The following SRM variants were observed in gnomAD, a reference collection of about 807,000 sequenced individuals.
SRM encodes the protein putrescine aminopropyltransferase.
SRM carries 14 observed loss-of-function variants against 39.3 expected under a neutral mutation model. The observed-to-expected ratio is 0.36, with a 90% CI of 0.24 to 0.56. The LOEUF is 0.56. SRM is among the 20% of genes least tolerant of loss of function. The pLI, the probability that SRM is intolerant of heterozygous loss-of-function variation, is 0.86. For missense variants in SRM, 244 were observed against 409.2 expected (o/e 0.60, Z 3.48); for synonymous variants, 195 against 173.1 (o/e 1.13, Z -0.99).
At chr1:11,057,438 C>T (rs539632115) in intron 3 of SRM, among the ~76,000 whole-genome samples, 37 of 150,306 alleles carry the variant, frequency 2.5e-4, no homozygotes, top group African/African-American at 8.8e-4. Flanking sequence ...GGATTACAGG[C>T]GCACGCCACC....
intron 3 of SRM, 153 bp downstream of exon 3, chr1:11,058,647 A>C: frequency 1.7e-6 from 1 of 575,294 alleles, no homozygotes; most frequent in Admixed American, 3.6e-5. Context: ...GCCCTCTGCC[A>C]TCTGGTTTTC....
chr1:11,058,528 T>C (rs1169515807), intron 3 of SRM, among the ~76,000 whole-genome samples: 4 of 129,186 alleles, frequency 3.1e-5, no homozygotes, highest in South Asian at 2.4e-4. Context: ...ACCATCACAC[T>C]CCAGCCTGGG....
rs1172165878 is a variant in SRM, at chr1:11,060,014, C to G, written c.-71G>C. ...CGCGCGGCGCCGCAGCACAACGGGA[C>G]CAGCTCCGCCCGCCGCCCGCGCCGC... On this transcript the variant is annotated 5_prime_UTR_variant, in exon 1 of 8. Coordinates refer to ENST00000376957, the MANE Select transcript of SRM (RefSeq NM_003132.3). 4 of 811,556 alleles carry G rather than the reference C, an allele frequency of 4.9e-6. No individual in the cohort carries two copies. The highest frequency in any genetic ancestry group is 6.4e-5 in the Admixed American group (1 of 15,544). The allele number at this position is 811,556 out of a possible 1,614,324, so 50.3% of individuals were successfully genotyped here.
Position 11,054,860 on chromosome 1 carries a change from T to C in SRM, c.*5A>G, listed in dbSNP as rs1638840758. 6.2e-7 allele frequency: 1 copy of C among 1,604,032 alleles called. No homozygotes were observed. Among genetic ancestry groups the C allele is most frequent in the Admixed American group, 1.7e-5 (1 of 59,462 alleles). On this transcript the variant is annotated 3_prime_UTR_variant, in exon 8 of 8. Transcript: ENST00000376957. This position sits in a 1 kb window ranked among gnomAD's most constrained non-coding sequence, Gnocchi z 4.8. Reference sequence around the variant, plus strand: ...CCTGGGTGGCATCAGTGGTGGCGCCTGGGCTCAGCTCACATCATTCAGGGC... The same window carrying C: ...CCTGGGTGGCATCAGTGGTGGCGCCCGGGCTCAGCTCACATCATTCAGGGC...
chr1:11,056,054 G>A lies in SRM; in HGVS notation c.576C>T (p.Leu192=), dbSNP rs951645208. 6.2e-7 allele frequency: 1 copy of A among 1,612,818 alleles called. No homozygotes were observed. The highest frequency in any genetic ancestry group is 8.5e-7 in the Non-Finnish European group (1 of 1,179,382). The change falls in exon 5 of 8, where the codon CTC becomes CTT. Residue 192 remains leucine (L), a synonymous_variant. Coordinates refer to ENST00000376957, the MANE Select transcript of SRM (RefSeq NM_003132.3). ...CATCTTCCTTGAGGGCTGTCTTCAT[G>A]AGCTGGTAATAGGACTCCTTGAAGA... The part of the protein sequence containing the change: ...ESLFKESYYQ[L]MKTALKEDGV...
At chr1:11,058,248 C>T (rs1231034983) in intron 3 of SRM, among the ~76,000 whole-genome samples, 1 of 152,072 alleles carries the variant, frequency 6.6e-6, no homozygotes, top group Non-Finnish European at 1.5e-5. Flanking sequence ...TGGGGCCCTG[C>T]CTGGGGCTCA....
chr1:11,058,379 T>C (rs1181834776), intron 3 of SRM, among the ~76,000 whole-genome samples: 1 of 151,764 alleles, frequency 6.6e-6, no homozygotes, highest in Non-Finnish European at 1.5e-5. Context: ...CTGACCAACA[T>C]GGAGAAACCC....
intron 6 of SRM, chr1:11,055,350 C>T: frequency 2.4e-6 from 1 of 408,478 alleles, no homozygotes. Flanking sequence ...CTCAAGTGAT[C>T]CGCCCACCTT....
At position 11,059,342 on chromosome 1, in the gene SRM, C is replaced by T; in HGVS notation, c.171G>A (p.Lys57=). The change falls in exon 2 of 8, where the codon AAG becomes AAA. Residue 57 remains lysine, a synonymous_variant. Transcript: ENST00000376957. ...RYQDILVFRS[K]TYGNVLVLDG... is the part of the protein sequence containing the mutation. ...CCAACACCAGCACGTTGCCATAGGT[C>T]TTACTGCGGGCGGAGTGACAGTCGG... is the stretch of plus-strand genomic sequence containing the variant. The T allele has an allele frequency of 6.2e-7, 1 of 1,613,146 alleles. No individual in the cohort carries two copies. The highest frequency in any genetic ancestry group is 1.1e-5 in the South Asian group (1 of 91,080).
At chr1:11,059,421 G>A (rs751555002) in intron 1 of SRM, 76 bp from the exon 2 acceptor site, 1 of 1,590,762 alleles carries the variant, frequency 6.3e-7, no homozygotes, top group African/African-American at 1.3e-5. Flanking sequence ...CCTGGGTGAG[G>A]AGGGTCTCCC....
chr1:11,059,441 T>G, intron 1 of SRM, 96 bp from the exon 2 acceptor site: 7 of 1,562,310 alleles, frequency 4.5e-6, no homozygotes, highest in Non-Finnish European at 6.1e-6. Context: ...CCATCCCGCC[T>G]AGGGGTCCCA....
At chr1:11,055,605 C>T (rs922845568) in intron 6 of SRM, among the ~76,000 whole-genome samples, 176 bp downstream of exon 6, 5 of 152,092 alleles carry the variant, frequency 3.3e-5, no homozygotes, top group South Asian at 2.1e-4. Flanking sequence ...TTAGTAGAGA[C>T]GGGGTTTCAC....
chr1:11,057,744 T>C (rs1054374360), intron 3 of SRM, among the ~76,000 whole-genome samples: 1 of 151,516 alleles, frequency 6.6e-6, no homozygotes, highest in African/African-American at 2.4e-5. Context: ...GCCCCTGTCT[T>C]GCCTTCATCA....
rs1437004407 is a variant in SRM at position 11,054,802 on chromosome 1, C to A, written c.*63G>T. 4 of 1,540,602 alleles carry A rather than the reference C, an allele frequency of 2.6e-6. No homozygotes were observed. In the African/African-American group the frequency reaches 4.1e-5, roughly 16 times the overall value. ...GAGGTCCGGCCCGGGGCTGGAGGGG[C>A]CGAGGCACCCCGCAGGCTCCAAGGT... On this transcript the variant is annotated 3_prime_UTR_variant, in exon 8 of 8. Transcript: ENST00000376957. This position sits in a 1 kb window ranked among gnomAD's most constrained non-coding sequence, Gnocchi z 4.8.
rs1423954495 is a variant in SRM, at chr1:11,060,012, G to A, written c.-69C>T. 19 of 833,512 alleles carry A rather than the reference G, an allele frequency of 2.3e-5. No homozygotes were observed. Among genetic ancestry groups the A allele is most frequent in the South Asian group, 2.1e-4 (4 of 18,892 alleles). 51.6% of individuals were successfully genotyped at this position (833,512 alleles called of 1,614,324 possible). ...GCCGCGCGGCGCCGCAGCACAACGG[G>A]ACCAGCTCCGCCCGCCGCCCGCGCC... On this transcript the variant is annotated 5_prime_UTR_variant, in exon 1 of 8. Coordinates refer to ENST00000376957, the MANE Select transcript of SRM (RefSeq NM_003132.3).
chr1:11,054,837 T>C lies in SRM; in HGVS notation c.*28A>G, dbSNP rs1178635287. ...CCGCAGGCTCCAAGGTCCGAGGTCC[T>C]GGGTGGCATCAGTGGTGGCGCCTGG... On this transcript the variant is annotated 3_prime_UTR_variant, in exon 8 of 8. Transcript: ENST00000376957. The surrounding 1 kb of genome is among the most constrained non-coding windows in gnomAD (Gnocchi z 4.8). 6 of 1,593,212 alleles carry C rather than the reference T, an allele frequency of 3.8e-6. No homozygotes were observed. The highest frequency in any genetic ancestry group is 1.1e-5 in the South Asian group (1 of 88,846).
At chr1:11,055,258 C>A in intron 6 of SRM, 174 bp from the exon 7 acceptor site, 1 of 982,320 alleles carries the variant, frequency 1.0e-6, no homozygotes, top group Non-Finnish European at 1.4e-6. Flanking sequence ...CGCCACCACG[C>A]CCGGCTAATT....
intron 2 of SRM, 139 bp from the exon 3 acceptor site, chr1:11,059,031 C>T (rs1050168151): frequency 1.1e-5 from 14 of 1,332,246 alleles, no homozygotes; most frequent in Non-Finnish European, 1.4e-5. Context: ...CCGGTGTCCC[C>T]TTTCCTGGAA....
intron 6 of SRM, 139 bp from the exon 7 acceptor site, chr1:11,055,223 T>C: frequency 7.7e-7 from 1 of 1,298,798 alleles, no homozygotes. Flanking sequence ...GTTCAAGTGA[T>C]TCTCCTGCCT....
Sources: gnomAD v4.1 joint callset for allele counts (sites outside exome capture counted in the v4.1 genomes callset) on GRCh38, gnomAD v4.1.1 for gene constraint, Gnocchi (gnomAD v3.1) non-coding constraint, MANE v1.5 for transcripts, NCBI Gene and HGNC (gene_info 2026-07-23, HGNC 2026-07-21) for gene names.